ANKRD45: variants seen among roughly 807,000 people sequenced by gnomAD.
ANKRD45 encodes the protein ankyrin repeat domain 45, also known as ankyrin repeat domain-containing protein 45.
ANKRD45 carries 21 observed loss-of-function variants against 28.1 expected under a neutral mutation model. The ratio of observed to expected loss-of-function variants is 0.75; its 90% confidence interval spans 0.53 to 1.08. The LOEUF is 1.08. ANKRD45 is among the 50% of genes least tolerant of loss of function. ANKRD45 has a pLI of 0.00. For missense variants in ANKRD45, 261 were observed against 308.7 expected (o/e 0.85, Z 1.16); for synonymous variants, 86 against 103.9 (o/e 0.83, Z 1.05).
chr1:173,688,800 T>C, the ANKRD45 span, among the ~76,000 whole-genome samples: 5 of 151,744 alleles, frequency 3.3e-5, no homozygotes, highest in Non-Finnish European at 7.4e-5. Context: ...TGTCTCTCTC[T>C]CTCTTTCTGC....
chr1:173,667,345 G>A (rs1282420437), intron 1 of ANKRD45, among the ~76,000 whole-genome samples: 1 of 152,176 alleles, frequency 6.6e-6, no homozygotes, highest in Non-Finnish European at 1.5e-5. Flanking sequence ...AGATTTTAAT[G>A]TAACACAGTA....
intron 2 of ANKRD45, among the ~76,000 whole-genome samples, chr1:173,648,742 T>C (rs1374703223): frequency 6.6e-6 from 1 of 152,220 alleles, no homozygotes; most frequent in Non-Finnish European, 1.5e-5. Flanking sequence ...ATGGCAATAT[T>C]CATGTCAACC....
the ANKRD45 span, among the ~76,000 whole-genome samples, chr1:173,703,181 G>A: frequency 2.2e-4 from 33 of 151,328 alleles, no homozygotes; most frequent in East Asian, 4.1e-3. Context: ...GGTTACAGGC[G>A]CATACCACTC....
the ANKRD45 span, among the ~76,000 whole-genome samples, chr1:173,714,585 G>T: frequency 6.6e-6 from 1 of 152,186 alleles, no homozygotes; most frequent in Admixed American, 6.5e-5. Context: ...CAACCCATGT[G>T]TGCATGCAAT....
chr1:173,634,259 C>A (rs1177957291), intron 3 of ANKRD45, among the ~76,000 whole-genome samples: 1 of 151,902 alleles, frequency 6.6e-6, no homozygotes, highest in Admixed American at 6.6e-5. Flanking sequence ...CAGAGAAATG[C>A]AAATCAAAAC....
chr1:173,667,704 C>CT lies in ANKRD45; in HGVS notation c.-16+2112dup, dbSNP rs540473473. On this transcript the variant is annotated intron_variant, in intron 1 of 5. Coordinates refer to ENST00000333279, the MANE Select transcript of ANKRD45 (RefSeq NM_198493.3). Reference sequence around the variant, plus strand: ...CTGGCACAACAGAATGAGACCCCATCTTAAAAAAAAAAAGAAAGAAAAAGA... The same window carrying CT: ...CTGGCACAACAGAATGAGACCCCATCTTTAAAAAAAAAAAGAAAGAAAAAGA... 1,180 of 431,490 alleles carry CT rather than the reference C, an allele frequency of 2.7e-3. 6 individuals carry two copies. Among genetic ancestry groups the CT allele is most frequent in the African/African-American group, 0.017 (806 of 47,430 alleles). The allele number at this position is 431,490 out of a possible 1,614,324, so 26.7% of individuals were successfully genotyped here. A position where few individuals can be genotyped will look rare whatever the true frequency, so the allele number is the denominator to read the frequency against.
rs182066534 is a variant in ANKRD45 at position 173,613,170 on chromosome 1, C to T, written c.731-2955G>A. On this transcript the variant is annotated intron_variant, in intron 5 of 5. Transcript: ENST00000333279. The stretch of plus-strand genomic sequence containing the variant: ...GGAGCGTCTCTGCCCAGCCGCCCAT[C>T]GTCTGAGATGCGGGGAGCACCTCTT... Among the ~76,000 whole-genome samples the T allele has an allele frequency of 2.8e-3, 426 of 151,630 alleles. 1 individual carries two copies. The highest frequency in any genetic ancestry group is 5.0e-3 in the Non-Finnish European group (341 of 67,814).
chr1:173,664,245 T>C (rs1444314597), intron 1 of ANKRD45, among the ~76,000 whole-genome samples: 2 of 152,236 alleles, frequency 1.3e-5, no homozygotes, highest in Non-Finnish European at 2.9e-5. Context: ...GTTTTCCTGG[T>C]ATAATTTTTA....
intron 2 of ANKRD45, among the ~76,000 whole-genome samples, chr1:173,651,780 G>A (rs1249306295): frequency 1.3e-5 from 2 of 152,210 alleles, no homozygotes; most frequent in African/African-American, 4.8e-5. Flanking sequence ...TTGAGCAGTG[G>A]TTTGTAGTTC....
At chr1:173,650,748 C>G (rs1270645980) in intron 2 of ANKRD45, among the ~76,000 whole-genome samples, 1 of 152,184 alleles carries the variant, frequency 6.6e-6, no homozygotes, top group African/African-American at 2.4e-5. Context: ...CACATCCTCT[C>G]CAGTACCTGT....
chr1:173,673,061 G>C (rs1266927322), upstream of ANKRD45, among the ~76,000 whole-genome samples: 1 of 150,924 alleles, frequency 6.6e-6, no homozygotes, highest in Non-Finnish European at 1.5e-5. Flanking sequence ...CAACATAAGA[G>C]AATAGGCCCT....
At chr1:173,635,610 G>A in intron 3 of ANKRD45, 1 of 1,535,464 alleles carries the variant, frequency 6.5e-7, no homozygotes, top group South Asian at 1.2e-5. Flanking sequence ...GGAACTGTCT[G>A]GACAAAGGTT....
At chr1:173,669,999 T>C (rs1571793960), upstream of ANKRD45, 1 of 166,034 alleles carries the variant, frequency 6.0e-6, no homozygotes, top group Non-Finnish European at 1.5e-5. Flanking sequence ...GGCGTGTCGG[T>C]TTTTTCTTTG....
At chr1:173,659,537 C>T (rs1669692074) in intron 1 of ANKRD45, 104 bp from the exon 2 acceptor site, 1 of 1,004,466 alleles carries the variant, frequency 1.0e-6, no homozygotes, top group African/African-American at 1.6e-5. Flanking sequence ...TATAAAAATA[C>T]TTAACTATTT....
At chr1:173,629,825 C>T (rs922306475) in intron 3 of ANKRD45, among the ~76,000 whole-genome samples, 8 of 152,074 alleles carry the variant, frequency 5.3e-5, no homozygotes, top group African/African-American at 1.9e-4. Flanking sequence ...GATTATAGAA[C>T]ACCAAGCAGT....
intron 5 of ANKRD45, among the ~76,000 whole-genome samples, chr1:173,622,719 G>C (rs1667758150): frequency 6.6e-6 from 1 of 152,074 alleles, no homozygotes; most frequent in African/African-American, 2.4e-5. Flanking sequence ...AGAAAATCAA[G>C]GCAATACCAT....
chr1:173,653,092 T>C lies in ANKRD45; in HGVS notation c.328+5999A>G, dbSNP rs1182856478. Among the ~76,000 whole-genome samples the C allele has an allele frequency of 2.0e-5, 3 of 152,210 alleles. No homozygotes were observed. The South Asian group carries it at 6.2e-4, about 32-fold the overall frequency. On this transcript the variant is annotated intron_variant, in intron 2 of 5. Transcript: ENST00000333279. ...TTTTGAAGGGTTTTTTGTGTCTCTATCTCCTTCAGTTCTGCTCTGACCTTA... is the reference window on the plus strand; with the variant it reads ...TTTTGAAGGGTTTTTTGTGTCTCTACCTCCTTCAGTTCTGCTCTGACCTTA...
intron 5 of ANKRD45, among the ~76,000 whole-genome samples, chr1:173,623,637 C>G (rs1282015823): frequency 6.6e-6 from 1 of 152,030 alleles, no homozygotes; most frequent in Non-Finnish European, 1.5e-5. Context: ...ATAAATCATT[C>G]TATTATAAAG....
chr1:173,673,799 TAAC>T (rs1406904496), upstream of ANKRD45, among the ~76,000 whole-genome samples: 12 of 152,086 alleles, frequency 7.9e-5, no homozygotes, highest in African/African-American at 2.7e-4. Flanking sequence ...CTGCCAAAAA[TAAC>T]AACTTTATTT....
Sources: allele counts gnomAD v4.1 joint callset (sites outside exome capture counted in the v4.1 genomes callset), GRCh38; gene constraint gnomAD v4.1.1; transcripts MANE v1.5; gene names NCBI Gene and HGNC (gene_info 2026-07-23, HGNC 2026-07-21).